Variants in TNIP3 observed in about 807,000 individuals in gnomAD.
The protein encoded by TNIP3 is TNFAIP3 interacting protein 3, also known as TNFAIP3-interacting protein 3.
A neutral mutation model predicts 54.1 loss-of-function variants in TNIP3; 34 were observed. The observed-to-expected ratio is 0.63, with a 90% CI of 0.48 to 0.84. The LOEUF (loss-of-function observed/expected upper bound fraction) is 0.84. Among genes scored for constraint, TNIP3 ranks in the 40% least tolerant of loss-of-function variants. The pLI is 0.00. For missense variants in TNIP3, 366 were observed against 387.6 expected (o/e 0.94, Z 0.47); for synonymous variants, 134 against 136.8 (o/e 0.98, Z 0.14).
intron 9 of TNIP3, among the ~76,000 whole-genome samples, chr4:121,140,352 A>AAAAAGAG (rs1444764220): frequency 2.0e-5 from 3 of 152,108 alleles, no homozygotes; most frequent in Non-Finnish European, 4.4e-5. Flanking sequence ...AGAAAAAAGA[A>AAAAAGAG]AAAAAGAAAG....
chr4:121,184,423 T>C (rs114533956), intron 2 of TNIP3, among the ~76,000 whole-genome samples: 267 of 152,340 alleles, frequency 1.8e-3, no homozygotes, highest in Middle Eastern at 6.8e-3. Context: ...TTATAACTGA[T>C]TGGACCAAGA....
chr4:121,200,651 T>C (rs1227315026), intron 2 of TNIP3, among the ~76,000 whole-genome samples: 1 of 152,164 alleles, frequency 6.6e-6, no homozygotes, highest in Non-Finnish European at 1.5e-5. Context: ...AAACACTTAA[T>C]GCCAAAGCTA....
upstream of TNIP3, among the ~76,000 whole-genome samples, chr4:121,218,836 A>G (rs1439821399): frequency 6.6e-6 from 1 of 152,062 alleles, no homozygotes; most frequent in Non-Finnish European, 1.5e-5. Context: ...AGCTGGGACT[A>G]CAGGTGTGCA....
chr4:121,171,167 G>T (rs1289900023), intron 3 of TNIP3, among the ~76,000 whole-genome samples: 1 of 152,158 alleles, frequency 6.6e-6, no homozygotes, highest in Admixed American at 6.5e-5. Context: ...AAAAAGAGGA[G>T]AACAGCCCCT....
chr4:121,226,013 T>A (rs904612978), intron 1 of TNIP3, among the ~76,000 whole-genome samples: 4 of 152,064 alleles, frequency 2.6e-5, no homozygotes, highest in African/African-American at 9.7e-5. Context: ...AATTGGGAAA[T>A]TGTATAATGG....
At chr4:121,140,061 C>T (rs1353140791) in intron 9 of TNIP3, among the ~76,000 whole-genome samples, 6 of 151,746 alleles carry the variant, frequency 4.0e-5, no homozygotes, top group South Asian at 4.2e-4. Flanking sequence ...TCTGGCCAGG[C>T]GCAGTGGCTC....
intron 2 of TNIP3, among the ~76,000 whole-genome samples, chr4:121,159,353 G>C (rs1730307821): frequency 6.6e-6 from 1 of 152,182 alleles, no homozygotes; most frequent in African/African-American, 2.4e-5. Context: ...ACTTTTTTTA[G>C]TTATTTGGAT....
At chr4:121,200,793 G>C (rs528607337) in intron 2 of TNIP3, among the ~76,000 whole-genome samples, 1 of 152,170 alleles carries the variant, frequency 6.6e-6, no homozygotes, top group South Asian at 2.1e-4. Context: ...TTATCCAGCA[G>C]ATTTCTGGAA....
chr4:121,212,614 G>C lies in TNIP3; in HGVS notation c.68+3801C>G, dbSNP rs190578580. 3.0e-3 allele frequency among the ~76,000 whole-genome samples: 463 copies of C among 152,270 alleles called. 2 individuals are homozygous for C. Among genetic ancestry groups the C allele is most frequent in the African/African-American group, 0.01 (426 of 41,570 alleles). On this transcript the variant is annotated intron_variant, in intron 2 of 12. Transcript: ENST00000507879. ...AAAATACTTATTCATCAGTGCTGCT[G>C]CTTGTTTAGTGAAAAGAAAAATACT...
chr4:121,181,923 T>C (rs1328324435), intron 3 of TNIP3, among the ~76,000 whole-genome samples: 1 of 152,252 alleles, frequency 6.6e-6, no homozygotes. Flanking sequence ...ATATACATTT[T>C]CAACACTGAG....
At chr4:121,160,299 C>T (rs764496095) in intron 2 of TNIP3, among the ~76,000 whole-genome samples, 17 of 151,910 alleles carry the variant, frequency 1.1e-4, no homozygotes, top group Non-Finnish European at 1.8e-4. Flanking sequence ...GCCAAAATGG[C>T]GAAACCCCAT....
chr4:121,142,673 G>C (rs952323346), intron 8 of TNIP3, 53 bp downstream of exon 8: 18 of 1,499,618 alleles, frequency 1.2e-5, no homozygotes, highest in Non-Finnish European at 1.5e-5. Context: ...TTGGGACAAT[G>C]AGAAATGCTG....
intron 2 of TNIP3, 121 bp downstream of exon 2, chr4:121,161,015 G>C: frequency 1.3e-6 from 1 of 772,632 alleles, no homozygotes; most frequent in East Asian, 2.7e-5. Context: ...GTGCAGTCCA[G>C]TATCTTAAAG....
upstream of TNIP3, among the ~76,000 whole-genome samples, chr4:121,221,162 G>A (rs1324243765): frequency 1.3e-5 from 2 of 151,948 alleles, no homozygotes; most frequent in African/African-American, 4.8e-5. Context: ...TGCTATTATT[G>A]GTAAGAAAGA....
intron 2 of TNIP3, among the ~76,000 whole-genome samples, chr4:121,192,084 T>C (rs943767155): frequency 5.3e-5 from 8 of 152,234 alleles, no homozygotes; most frequent in Non-Finnish European, 1.2e-4. Flanking sequence ...TGAATTTTTT[T>C]CACATCTATA....
chr4:121,162,692 C>T (rs1730525301), intron 1 of TNIP3, among the ~76,000 whole-genome samples: 1 of 152,198 alleles, frequency 6.6e-6, no homozygotes, highest in South Asian at 2.1e-4. Context: ...CACAAGAGCA[C>T]ATCAAAGTCA....
chr4:121,164,820 A>G (rs1579423053), upstream of TNIP3, among the ~76,000 whole-genome samples: 1 of 152,306 alleles, frequency 6.6e-6, no homozygotes, highest in Non-Finnish European at 1.5e-5. Context: ...AACTTGTCTC[A>G]AGTTTAAGTC....
chr4:121,211,477 A>G (rs2148847255), intron 2 of TNIP3, among the ~76,000 whole-genome samples: 1 of 152,326 alleles, frequency 6.6e-6, no homozygotes, highest in East Asian at 1.9e-4. Context: ...AGGAATAAAA[A>G]CAGAAAGATT....
At chr4:121,152,090 T>G (rs1488142853) in intron 5 of TNIP3, among the ~76,000 whole-genome samples, 1 of 152,194 alleles carries the variant, frequency 6.6e-6, no homozygotes, top group African/African-American at 2.4e-5. Flanking sequence ...TTGTGTGAAC[T>G]TCTAAAAACA....
Sources: gnomAD v4.1 joint callset for allele counts (sites outside exome capture counted in the v4.1 genomes callset) on GRCh38, gnomAD v4.1.1 for gene constraint, MANE v1.5 for transcripts, NCBI Gene and HGNC (gene_info 2026-07-23, HGNC 2026-07-21) for gene names.